The following ZNF608 variants were observed in gnomAD, a reference collection of about 807,000 sequenced individuals.
ZNF608 encodes the protein renal carcinoma antigen NY-REN-36.
ZNF608 carries 12 observed loss-of-function variants against 109.0 expected under a neutral mutation model. The observed-to-expected ratio is 0.11, with a 90% CI of 0.07 to 0.18. ZNF608 has a LOEUF of 0.18. Among genes scored for constraint, ZNF608 ranks in the 10% least tolerant of loss-of-function variants. The probability of loss-of-function intolerance (pLI) is 1.00; values close to 1 mark genes in which losing one functional copy is unlikely to be tolerated. For synonymous variants in ZNF608, 732 were observed against 717.4 expected, an observed-to-expected ratio of 1.02 and a Z score of -0.33; for missense variants, 1,707 against 1,879.3, an observed-to-expected ratio of 0.91 and a Z score of 1.70.
Position 124,648,279 on chromosome 5 carries a change from G to C in ZNF608, c.2105C>G (p.Ala702Gly), listed in dbSNP as rs543255904. ...SLAAEMPKLE[A>G]EGLIDKKNLG... ...ATTTTTCTTGTCAATTAATCCTTCT[G>C]CTTCCAGTTTAGGCATCTCAGCAGC... Residue 702 changes from alanine (A) to glycine (G), a missense_variant, in exon 5 of 10, where the codon GCA (alanine) becomes GGA (glycine). Ala to Gly is a moderately conservative substitution (Grantham distance 60, BLOSUM62 0). Coordinates refer to ENST00000513986, the MANE Select transcript of ZNF608 (RefSeq NM_020747.3). The C allele has an allele frequency of 6.2e-7, 1 of 1,614,134 alleles. No homozygotes were observed. The highest frequency in any genetic ancestry group is 1.7e-5 in the Admixed American group (1 of 60,024).
chr5:124,640,708 A>T (rs1295812457), intron 8 of ZNF608, among the ~76,000 whole-genome samples: 1 of 152,200 alleles, frequency 6.6e-6, no homozygotes, highest in Admixed American at 6.5e-5. Flanking sequence ...CCTCATATCA[A>T]TCCTATGGCT....
intron 2 of ZNF608, among the ~76,000 whole-genome samples, chr5:124,702,931 G>C (rs1363041640): frequency 6.6e-6 from 1 of 152,130 alleles, no homozygotes; most frequent in Non-Finnish European, 1.5e-5. Context: ...TTTTAAAACT[G>C]AGCTGACAAA....
intron 3 of ZNF608, among the ~76,000 whole-genome samples, chr5:124,680,085 T>C (rs1752131145): frequency 6.6e-6 from 1 of 152,076 alleles, no homozygotes; most frequent in African/African-American, 2.4e-5. Flanking sequence ...TATGCTGCTG[T>C]TTTAAGTCCC....
chr5:124,736,073 T>C (rs1458009828), intron 2 of ZNF608, among the ~76,000 whole-genome samples: 6 of 152,162 alleles, frequency 3.9e-5, no homozygotes, highest in Non-Finnish European at 2.9e-5. Context: ...TCACCACTGC[T>C]TACTTCTTAA....
intron 3 of ZNF608, among the ~76,000 whole-genome samples, chr5:124,677,866 T>A (rs1031880982): frequency 1.3e-5 from 2 of 152,106 alleles, no homozygotes; most frequent in Non-Finnish European, 2.9e-5. Flanking sequence ...TGCCCAGCAC[T>A]GCAGAAGGCC....
chr5:124,655,739 C>T (rs1329937742), intron 3 of ZNF608, among the ~76,000 whole-genome samples: 1 of 152,198 alleles, frequency 6.6e-6, no homozygotes, highest in Admixed American at 6.5e-5. Flanking sequence ...TTGTTCAGGA[C>T]TCCCTCCCCC....
chr5:124,650,697 A>G (rs1167366736), intron 3 of ZNF608, among the ~76,000 whole-genome samples: 3 of 152,240 alleles, frequency 2.0e-5, no homozygotes, highest in Admixed American at 1.3e-4. Flanking sequence ...ATTTTGAGAC[A>G]TACATAAATT....
chr5:124,689,212 G>A (rs1205456152), intron 3 of ZNF608, among the ~76,000 whole-genome samples: 1 of 152,150 alleles, frequency 6.6e-6, no homozygotes, highest in Non-Finnish European at 1.5e-5. Context: ...ACAGTGATAC[G>A]CTTGTGATGT....
chr5:124,736,085 T>C (rs1278926380), intron 2 of ZNF608, among the ~76,000 whole-genome samples: 1 of 152,124 alleles, frequency 6.6e-6, no homozygotes, highest in African/African-American at 2.4e-5. Flanking sequence ...ACTTCTTAAC[T>C]GGCTCAAGGG....
chr5:124,664,946 T>C (rs988942168), intron 3 of ZNF608, among the ~76,000 whole-genome samples: 4 of 151,868 alleles, frequency 2.6e-5, no homozygotes, highest in African/African-American at 7.3e-5. Flanking sequence ...GAGGCTGAGG[T>C]GGATGGATCA....
At chr5:124,642,991 G>A (rs1034306071) in intron 7 of ZNF608, among the ~76,000 whole-genome samples, 3 of 151,922 alleles carry the variant, frequency 2.0e-5, no homozygotes, top group African/African-American at 4.8e-5. Context: ...GCTCACTCCC[G>A]GCCCAGATTT....
In ZNF608 at chr5:124,684,558, G is replaced by A. The variant is rs1752327422; in HGVS notation, c.1162+16456C>T. ...TATAAAATGCATTAGTTTTCACAGT[G>A]GATGGGGGATAATGTCACCAAAAGG... On this transcript the variant is annotated intron_variant, in intron 3 of 9. Transcript: ENST00000513986. Among the ~76,000 whole-genome samples, 3 of 152,150 alleles carry A rather than the reference G, an allele frequency of 2.0e-5. No homozygotes were observed. The South Asian group carries it at 6.2e-4, about 31-fold the overall frequency.
At chr5:124,661,066 C>T (rs1026400354) in intron 3 of ZNF608, among the ~76,000 whole-genome samples, 4 of 152,138 alleles carry the variant, frequency 2.6e-5, no homozygotes, top group Non-Finnish European at 4.4e-5. Context: ...CTATACCCAC[C>T]ACCAATTTCA....
rs112747185 is a variant in ZNF608, at chr5:124,689,466, CA to C, written c.1162+11547del. Reference sequence around the variant, plus strand: ...AAGACCAGAGTAAGACCCTGTCCCTCAAAAAAAAAAAAAGAGAGAGACAGAG... The same window carrying C: ...AAGACCAGAGTAAGACCCTGTCCCTCAAAAAAAAAAAAGAGAGAGACAGAG... On this transcript the variant is annotated intron_variant, in intron 3 of 9. Coordinates refer to ENST00000513986, the MANE Select transcript of ZNF608 (RefSeq NM_020747.3). Among the ~76,000 whole-genome samples, 326 of 130,674 alleles carry C rather than the reference CA, an allele frequency of 2.5e-3. 4 individuals carry two copies. Among genetic ancestry groups the C allele is most frequent in the African/African-American group, 7.2e-3 (249 of 34,808 alleles). The allele number at this position is 130,674 out of a possible 152,430, so 85.7% of individuals were successfully genotyped here.
At position 124,688,718 on chromosome 5, in the gene ZNF608, A is replaced by T. The variant is rs541439230; in HGVS notation, c.1162+12296T>A. 1.2e-4 allele frequency among the ~76,000 whole-genome samples: 19 copies of T among 152,354 alleles called. No homozygotes were observed. The South Asian group carries it at 3.7e-3, about 30-fold the overall frequency. On this transcript the variant is annotated intron_variant, in intron 3 of 9. Coordinates refer to ENST00000513986, the MANE Select transcript of ZNF608 (RefSeq NM_020747.3). ...AGATATACTATGTAATCCTATTTAT[A>T]TTTATCTAAGAAGTTGAAAGCAATG...
intron 3 of ZNF608, among the ~76,000 whole-genome samples, chr5:124,664,240 A>G (rs1332376231): frequency 6.6e-6 from 1 of 152,178 alleles, no homozygotes; most frequent in African/African-American, 2.4e-5. Context: ...AAGACACACT[A>G]CAAATTTTAA....
At chr5:124,717,981 A>T (rs1488312316) in intron 2 of ZNF608, among the ~76,000 whole-genome samples, 1 of 152,152 alleles carries the variant, frequency 6.6e-6, no homozygotes, top group Non-Finnish European at 1.5e-5. Context: ...GCAGAATCAC[A>T]CCTTGACGCA....
intron 7 of ZNF608, among the ~76,000 whole-genome samples, chr5:124,643,136 A>G (rs1750324901): frequency 6.6e-6 from 1 of 152,192 alleles, no homozygotes. Context: ...CCTCTGAACT[A>G]CTTACTTACC....
At position 124,657,774 on chromosome 5, in the gene ZNF608, T is replaced by C. The variant is rs537056309; in HGVS notation, c.1163-8077A>G. Among the ~76,000 whole-genome samples, 18 of 152,284 alleles carry C rather than the reference T, an allele frequency of 1.2e-4. 1 individual carries two copies. The South Asian group carries it at 3.5e-3, about 30-fold the overall frequency. On this transcript the variant is annotated intron_variant, in intron 3 of 9. Coordinates refer to ENST00000513986, the MANE Select transcript of ZNF608 (RefSeq NM_020747.3). The stretch of plus-strand genomic sequence containing the variant: ...TTACTTCTTTTAAATAATCAAAACA[T>C]ATGTTCTACCAAGCAAGTGTCCTAG...
Sources: gnomAD v4.1 joint callset for allele counts (sites outside exome capture counted in the v4.1 genomes callset) on GRCh38, gnomAD v4.1.1 for gene constraint, MANE v1.5 for transcripts, NCBI Gene and HGNC (gene_info 2026-07-23, HGNC 2026-07-21) for gene names.